Variants in NAALADL2 observed in about 807,000 individuals in gnomAD.
The protein encoded by NAALADL2 is inactive N-acetylated-alpha-linked acidic dipeptidase-like protein 2.
In NAALADL2, 76 loss-of-function variants were observed where a neutral mutation model predicts 87.2. The observed-to-expected ratio is 0.87, with a 90% CI of 0.72 to 1.05. The LOEUF is 1.05. Among genes scored for constraint, NAALADL2 ranks in the 50% least tolerant of loss-of-function variants. NAALADL2 has a pLI of 0.00. For synonymous variants in NAALADL2, 354 were observed against 331.0 expected, an observed-to-expected ratio of 1.07 and a Z score of -0.75; for missense variants, 1,089 against 945.8, an observed-to-expected ratio of 1.15 and a Z score of -1.99.
At chr3:174,989,417 A>G (rs1560448319) in intron 1 of NAALADL2, among the ~76,000 whole-genome samples, 1 of 152,256 alleles carries the variant, frequency 6.6e-6, no homozygotes, top group Non-Finnish European at 1.5e-5. Context: ...GTAAAAGGCC[A>G]TTGAATATGG....
In NAALADL2 at chr3:175,426,113, C is replaced by T. The variant is rs370833027; in HGVS notation, c.1091-21116C>T. Among the ~76,000 whole-genome samples the T allele has an allele frequency of 9.2e-5, 14 of 152,252 alleles. No individual in the cohort carries two copies. The East Asian group carries it at 9.7e-4, about 11-fold the overall frequency. On this transcript the variant is annotated intron_variant, in intron 5 of 13. Transcript: ENST00000454872. ...GTGCAGTGGCTCATGCCTGTAATCC[C>T]AGCACTTTGGGAGGCCAAGGCGGGC...
intron 5 of NAALADL2, among the ~76,000 whole-genome samples, chr3:175,347,321 T>G (rs894585062): frequency 6.6e-6 from 1 of 152,212 alleles, no homozygotes; most frequent in Non-Finnish European, 1.5e-5. Context: ...ATGCTTTGTA[T>G]TTTATAAACA....
At chr3:175,584,869 T>C (rs1257468151) in intron 10 of NAALADL2, among the ~76,000 whole-genome samples, 1 of 152,216 alleles carries the variant, frequency 6.6e-6, no homozygotes, top group Non-Finnish European at 1.5e-5. Context: ...AATGAGTAAG[T>C]GGTGAGTGAA....
intron 2 of NAALADL2, among the ~76,000 whole-genome samples, chr3:174,561,482 G>A (rs1713612810): frequency 6.6e-6 from 1 of 152,076 alleles, no homozygotes; most frequent in African/African-American, 2.4e-5. Context: ...TTACCGCCAT[G>A]AGCCACCATG....
chr3:175,578,818 AC>A (rs1719298650), intron 10 of NAALADL2, among the ~76,000 whole-genome samples: 1 of 152,238 alleles, frequency 6.6e-6, no homozygotes, highest in Admixed American at 6.5e-5. Context: ...AATATTGTGT[AC>A]TTTTTCTCCA....
chr3:175,156,557 T>A (rs1732360165), intron 2 of NAALADL2, among the ~76,000 whole-genome samples: 1 of 148,148 alleles, frequency 6.8e-6, no homozygotes, highest in Non-Finnish European at 1.5e-5. Flanking sequence ...TATAGTAAAC[T>A]AATGTATCCT....
intron 11 of NAALADL2, among the ~76,000 whole-genome samples, chr3:175,697,750 CAT>C (rs887056903): frequency 1.3e-4 from 19 of 146,234 alleles, no homozygotes; most frequent in Non-Finnish European, 2.1e-4. Flanking sequence ...CATACACACA[CAT>C]GTAAATGTAT....
chr3:175,629,709 G>A (rs551606047), intron 11 of NAALADL2, among the ~76,000 whole-genome samples: 1 of 151,742 alleles, frequency 6.6e-6, no homozygotes, highest in East Asian at 1.9e-4. Context: ...CTGAAGTCTT[G>A]GCCACACTTA....
chr3:175,505,562 G>T (rs1040026576), intron 9 of NAALADL2, among the ~76,000 whole-genome samples: 4 of 151,840 alleles, frequency 2.6e-5, no homozygotes, highest in African/African-American at 7.3e-5. Context: ...GTTGACTTTT[G>T]GTTTGATTTA....
chr3:175,019,062 A>C (rs1044481287), intron 1 of NAALADL2, among the ~76,000 whole-genome samples: 4 of 152,036 alleles, frequency 2.6e-5, no homozygotes, highest in African/African-American at 9.7e-5. Context: ...ATCATTACTG[A>C]TGATTCCTGT....
At chr3:175,289,747 G>T (rs1755420824) in intron 4 of NAALADL2, among the ~76,000 whole-genome samples, 1 of 152,102 alleles carries the variant, frequency 6.6e-6, no homozygotes, top group African/African-American at 2.4e-5. Context: ...GATCACTTGA[G>T]CCCAGGAGTT....
intron 11 of NAALADL2, among the ~76,000 whole-genome samples, chr3:175,680,634 G>A (rs971255239): frequency 6.6e-6 from 1 of 152,114 alleles, no homozygotes; most frequent in Non-Finnish European, 1.5e-5. Context: ...TATACTCATA[G>A]TACAGATAAG....
intron 4 of NAALADL2, among the ~76,000 whole-genome samples, chr3:175,264,215 T>C (rs1416843825): frequency 1.3e-5 from 2 of 151,868 alleles, no homozygotes; most frequent in Non-Finnish European, 1.5e-5. Flanking sequence ...CCCACTAAAG[T>C]CACACAAGTT....
At chr3:175,306,129 A>G (rs1019884221) in intron 4 of NAALADL2, among the ~76,000 whole-genome samples, 2 of 151,842 alleles carry the variant, frequency 1.3e-5, no homozygotes, top group Non-Finnish European at 2.9e-5. Flanking sequence ...TAAAATATTT[A>G]CCTCATGATT....
chr3:175,181,458 A>T (rs1195226320), intron 2 of NAALADL2, among the ~76,000 whole-genome samples: 1 of 151,562 alleles, frequency 6.6e-6, no homozygotes, highest in Non-Finnish European at 1.5e-5. Flanking sequence ...CCTTTGATCG[A>T]CATCTCCCAA....
chr3:175,288,629 T>TAA (rs150524302), intron 4 of NAALADL2, among the ~76,000 whole-genome samples: 9,653 of 152,220 alleles, frequency 0.063, 964 homozygotes, highest in African/African-American at 0.21. Context: ...TACGTCCAAG[T>TAA]GGTTTCTCAG....
chr3:175,107,420 T>C (rs1723361361), intron 2 of NAALADL2, among the ~76,000 whole-genome samples: 1 of 151,884 alleles, frequency 6.6e-6, no homozygotes, highest in African/African-American at 2.4e-5. Flanking sequence ...CCTTGCAGAT[T>C]TTTGACTTGC....
intron 1 of NAALADL2, among the ~76,000 whole-genome samples, chr3:175,070,780 T>C (rs2109146173): frequency 6.6e-6 from 1 of 152,158 alleles, no homozygotes; most frequent in East Asian, 1.9e-4. Context: ...TTAAAGTAAA[T>C]ACATATTTAT....
chr3:174,574,997 T>C (rs1560066176), intron 2 of NAALADL2, among the ~76,000 whole-genome samples: 1 of 152,140 alleles, frequency 6.6e-6, no homozygotes, highest in East Asian at 1.9e-4. Flanking sequence ...AGACTCTTTG[T>C]AGATACATAT....
Sources: gnomAD v4.1 joint callset for allele counts (sites outside exome capture counted in the v4.1 genomes callset) on GRCh38, gnomAD v4.1.1 for gene constraint, MANE v1.5 for transcripts, NCBI Gene and HGNC (gene_info 2026-07-23, HGNC 2026-07-21) for gene names.